UBE2E2: variants seen among roughly 807,000 people sequenced by gnomAD.
UBE2E2 encodes ubiquitin-conjugating enzyme E2 E2.
UBE2E2 carries 6 observed loss-of-function variants against 24.7 expected under a neutral mutation model. The ratio of observed to expected loss-of-function variants is 0.24; its 90% CI spans 0.13 to 0.48. UBE2E2 has a LOEUF of 0.48. UBE2E2 is among the 20% of genes least tolerant of loss of function. UBE2E2 has a pLI of 0.99. For synonymous variants in UBE2E2, 104 were observed against 83.6 expected, an observed-to-expected ratio of 1.24 and a Z score of -1.33; for missense variants, 169 against 245.0, an observed-to-expected ratio of 0.69 and a Z score of 2.07.
In UBE2E2 at chr3:23,212,249, CAG is replaced by C. The variant is rs912172655; in HGVS notation, c.176+3375_176+3376del. On this transcript the variant is annotated intron_variant, in intron 2 of 5. Transcript: ENST00000396703. ...GTCTCAGAGTTAGGAGGAAAGATTA[CAG>C]TTACATCTTAGATGCATTTTTGCTT... is the stretch of plus-strand genomic sequence containing the variant. Among the ~76,000 whole-genome samples, 34 of 152,266 alleles carry C rather than the reference CAG, an allele frequency of 2.2e-4. 1 individual carries two copies. Among genetic ancestry groups the C allele is most frequent in the African/African-American group, 8.2e-4 (34 of 41,546 alleles).
intron 3 of UBE2E2, among the ~76,000 whole-genome samples, chr3:23,329,611 T>C (rs1246575396): frequency 1.3e-5 from 2 of 152,268 alleles, no homozygotes; most frequent in Non-Finnish European, 2.9e-5. Flanking sequence ...CAACAACTAA[T>C]TGGAGCCGGT....
intron 3 of UBE2E2, among the ~76,000 whole-genome samples, chr3:23,257,252 G>A (rs925441180): frequency 1.5e-4 from 23 of 152,154 alleles, no homozygotes; most frequent in African/African-American, 5.3e-4. Flanking sequence ...AGAGCACATG[G>A]CTCAGGCTAA....
chr3:23,439,733 T>A (rs1274495121), intron 3 of UBE2E2, among the ~76,000 whole-genome samples: 2 of 152,206 alleles, frequency 1.3e-5, no homozygotes, highest in Non-Finnish European at 2.9e-5. Flanking sequence ...ATTTTTATTT[T>A]AATGTATTTA....
chr3:23,470,870 A>C (rs1206456573), intron 3 of UBE2E2, among the ~76,000 whole-genome samples: 1 of 152,092 alleles, frequency 6.6e-6, no homozygotes, highest in Non-Finnish European at 1.5e-5. Context: ...TTCTTGGCCC[A>C]AATTGTCTCT....
rs747796580 is a variant in UBE2E2, at chr3:23,270,964, G to T, written c.227+53652G>T. ...TTTGTTAACAGGCTGTTCCTGATTC[G>T]ATCTGCTTGCATCTCTTCTAACTTG... On this transcript the variant is annotated intron_variant, in intron 3 of 5. Transcript: ENST00000396703. The T allele has an allele frequency of 1.1e-5, 5 of 456,526 alleles. No homozygotes were observed. In the East Asian group the frequency reaches 3.5e-4, roughly 32 times the overall value. The allele number at this position is 456,526 out of a possible 1,614,324, so 28.3% of individuals were successfully genotyped here.
intron 5 of UBE2E2, among the ~76,000 whole-genome samples, chr3:23,535,314 A>C (rs1312655661): frequency 6.6e-6 from 1 of 152,216 alleles, no homozygotes; most frequent in Non-Finnish European, 1.5e-5. Context: ...TGGGACACCA[A>C]ATGGGCCCAC....
chr3:23,394,259 T>G (rs1432259881), intron 3 of UBE2E2, among the ~76,000 whole-genome samples: 1 of 152,178 alleles, frequency 6.6e-6, no homozygotes, highest in Non-Finnish European at 1.5e-5. Flanking sequence ...GAGAGAGAGT[T>G]TTTATGAAAA....
intron 3 of UBE2E2, among the ~76,000 whole-genome samples, chr3:23,487,936 A>G (rs1699412488): frequency 6.6e-6 from 1 of 152,068 alleles, no homozygotes; most frequent in Non-Finnish European, 1.5e-5. Context: ...ACAGCGTGGT[A>G]GAAGAGACAG....
chr3:23,483,952 A>C (rs1481797743), intron 3 of UBE2E2, among the ~76,000 whole-genome samples: 2 of 152,220 alleles, frequency 1.3e-5, no homozygotes, highest in Admixed American at 1.3e-4. Flanking sequence ...GTTGAATCTC[A>C]GCTGGGGAGG....
At position 23,280,793 on chromosome 3, in the gene UBE2E2, A is replaced by G. The variant is rs920384470; in HGVS notation, c.227+63481A>G. ...TTTACTGATTCTGCTTTTTTCCATG[A>G]ATGTTGCCTTCTCTCGTGTTTCACA... is the stretch of plus-strand genomic sequence containing the variant. On this transcript the variant is annotated intron_variant, in intron 3 of 5. Transcript: ENST00000396703. This position sits in a 1 kb window ranked among gnomAD's most constrained non-coding sequence, Gnocchi z 4.3. 6.6e-6 allele frequency among the ~76,000 whole-genome samples: 1 copy of G among 152,082 alleles called. No individual in the cohort carries two copies. The highest frequency in any genetic ancestry group is 2.4e-5 in the African/African-American group (1 of 41,408).
In UBE2E2 at chr3:23,347,276, C is replaced by T. The variant is rs144750331; in HGVS notation, c.227+129964C>T. Reference sequence around the variant, plus strand: ...CACATATGTTTATTGTGGCACTATTCGCAGTAGCAGAGACTTGGAACCAAC... The same window carrying T: ...CACATATGTTTATTGTGGCACTATTTGCAGTAGCAGAGACTTGGAACCAAC... On this transcript the variant is annotated intron_variant, in intron 3 of 5. Coordinates refer to ENST00000396703, the MANE Select transcript of UBE2E2 (RefSeq NM_152653.4). Among the ~76,000 whole-genome samples the T allele has an allele frequency of 8.0e-3, 1,214 of 152,252 alleles. 12 individuals are homozygous for T. Among genetic ancestry groups the T allele is most frequent in the African/African-American group, 0.021 (859 of 41,532 alleles).
At chr3:23,417,244 G>C (rs558880565) in intron 3 of UBE2E2, among the ~76,000 whole-genome samples, 1 of 152,242 alleles carries the variant, frequency 6.6e-6, no homozygotes, top group African/African-American at 2.4e-5. Flanking sequence ...CTGTGTGGAC[G>C]TCCTTTTCGT....
intron 3 of UBE2E2, among the ~76,000 whole-genome samples, chr3:23,422,982 A>G (rs1697839938): frequency 6.6e-6 from 1 of 152,162 alleles, no homozygotes; most frequent in Non-Finnish European, 1.5e-5. Flanking sequence ...CATACTAGGA[A>G]AGTCAGTATG....
intron 3 of UBE2E2, among the ~76,000 whole-genome samples, chr3:23,384,657 T>G (rs1559368456): frequency 6.6e-6 from 1 of 150,802 alleles, no homozygotes; most frequent in African/African-American, 2.4e-5. Context: ...ATTCTCTTGC[T>G]TCAGCCTCCC....
At chr3:23,219,548 C>A (rs542735426) in intron 3 of UBE2E2, among the ~76,000 whole-genome samples, 4 of 152,300 alleles carry the variant, frequency 2.6e-5, no homozygotes, top group African/African-American at 9.6e-5. Flanking sequence ...ACAAGTTCTG[C>A]ACTGCCTGCA....
At chr3:23,401,719 C>A (rs180934670) in intron 3 of UBE2E2, among the ~76,000 whole-genome samples, 1 of 151,962 alleles carries the variant, frequency 6.6e-6, no homozygotes, top group Non-Finnish European at 1.5e-5. Context: ...CTTGCTCTGT[C>A]GCCTAGGCTG....
intron 3 of UBE2E2, among the ~76,000 whole-genome samples, chr3:23,412,603 A>T (rs778467): frequency 6.6e-6 from 1 of 152,000 alleles, no homozygotes; most frequent in African/African-American, 2.4e-5. Context: ...TCAACTCAGA[A>T]ACAGGACTTA....
chr3:23,478,323 T>G lies in UBE2E2; in HGVS notation c.228-21285T>G, dbSNP rs113123889. On this transcript the variant is annotated intron_variant, in intron 3 of 5. Transcript: ENST00000396703. ...CAGGGGTAAGGATAATTTATTTTGC[T>G]GGTTAGGAGTGAAACCAGGTTTTAC... is the stretch of plus-strand genomic sequence containing the variant. Among the ~76,000 whole-genome samples, 598 of 152,310 alleles carry G rather than the reference T, an allele frequency of 3.9e-3. 3 individuals carry two copies. Among genetic ancestry groups the G allele is most frequent in the Middle Eastern group, 0.014 (4 of 294 alleles).
chr3:23,501,012 A>G (rs907121011), intron 4 of UBE2E2, among the ~76,000 whole-genome samples: 5 of 152,072 alleles, frequency 3.3e-5, no homozygotes, highest in Non-Finnish European at 5.9e-5. Context: ...AAGCCATGGT[A>G]AATCTAATAC....
Sources: gnomAD v4.1 joint callset for allele counts (sites outside exome capture counted in the v4.1 genomes callset) on GRCh38, gnomAD v4.1.1 for gene constraint, Gnocchi (gnomAD v3.1) non-coding constraint, MANE v1.5 for transcripts, NCBI Gene and HGNC (gene_info 2026-07-23, HGNC 2026-07-21) for gene names.